RIMS1: variants seen among roughly 807,000 people sequenced by gnomAD.
RIMS1 encodes the protein regulating synaptic membrane exocytosis 1.
In RIMS1, 83 loss-of-function variants were observed where a neutral mutation model predicts 214.1. That is an observed-to-expected ratio of 0.39 (90% CI 0.32 to 0.47). The LOEUF is 0.47. Ranked by LOEUF, RIMS1 falls within the 20% of genes least tolerant of loss-of-function variation. RIMS1 has a pLI of 0.99. For synonymous variants in RIMS1, 793 were observed against 786.8 expected (o/e 1.01, Z -0.13); for missense variants, 2,050 against 2,161.8 (o/e 0.95, Z 1.03).
intron 6 of RIMS1, among the ~76,000 whole-genome samples, chr6:72,199,775 G>T (rs2153990559): frequency 6.6e-6 from 1 of 152,190 alleles, no homozygotes; most frequent in South Asian, 2.1e-4. Context: ...TGAGCATCTT[G>T]TCTTTAATCA....
chr6:72,043,684 CT>C (rs1822123529), intron 2 of RIMS1, among the ~76,000 whole-genome samples: 2 of 134,708 alleles, frequency 1.5e-5, no homozygotes, highest in African/African-American at 5.6e-5. Flanking sequence ...ATTAACTAGA[CT>C]TTTTTCCCCC....
chr6:72,108,446 T>C (rs545278171), intron 4 of RIMS1, among the ~76,000 whole-genome samples: 11 of 152,246 alleles, frequency 7.2e-5, no homozygotes, highest in African/African-American at 2.4e-4. Context: ...CTAAACTATT[T>C]TAAGAAACAA....
chr6:71,946,458 A>C (rs1787835083), intron 1 of RIMS1, among the ~76,000 whole-genome samples: 1 of 152,214 alleles, frequency 6.6e-6, no homozygotes, highest in Admixed American at 6.5e-5. Flanking sequence ...AACAGAATAA[A>C]GAGCATGGAA....
intron 26 of RIMS1, among the ~76,000 whole-genome samples, chr6:72,303,921 A>C (rs1305848419): frequency 6.6e-6 from 1 of 151,632 alleles, no homozygotes; most frequent in Non-Finnish European, 1.5e-5. Flanking sequence ...ATTTTGATCT[A>C]TAATCACAAA....
At chr6:72,148,758 AGTTTGG>A in intron 4 of RIMS1, 1 of 415,678 alleles carries the variant, frequency 2.4e-6, no homozygotes, top group Admixed American at 2.9e-5. Flanking sequence ...CTCAGGATTG[AGTTTGG>A]GACAAAAAGG....
At chr6:72,233,283 G>T (rs989073580) in intron 6 of RIMS1, among the ~76,000 whole-genome samples, 4 of 151,652 alleles carry the variant, frequency 2.6e-5, no homozygotes, top group Non-Finnish European at 5.9e-5. Context: ...ACTCATCACT[G>T]TGTCCCAAAA....
intron 2 of RIMS1, among the ~76,000 whole-genome samples, chr6:71,984,354 GAA>G (rs571595357): frequency 3.5e-5 from 5 of 142,302 alleles, no homozygotes; most frequent in African/African-American, 1.3e-4. Context: ...TGAAGGAAAA[GAA>G]AAAAAAAAAC....
intron 1 of RIMS1, among the ~76,000 whole-genome samples, chr6:71,908,421 C>T (rs1775902409): frequency 6.6e-6 from 1 of 152,120 alleles, no homozygotes; most frequent in African/African-American, 2.4e-5. Flanking sequence ...TGCCATCTGC[C>T]TCAGGGATAC....
At chr6:71,948,797 T>C (rs1407526719) in intron 1 of RIMS1, among the ~76,000 whole-genome samples, 1 of 152,196 alleles carries the variant, frequency 6.6e-6, no homozygotes, top group African/African-American at 2.4e-5. Flanking sequence ...CAGGCTGAAG[T>C]GACCTGCGAA....
intron 20 of RIMS1, 26 bp downstream of exon 20, chr6:72,265,078 C>T (rs748015846): frequency 7.3e-7 from 1 of 1,366,964 alleles, no homozygotes; most frequent in South Asian, 1.3e-5. Flanking sequence ...GTGAGTCCCA[C>T]CCAGTTATAA....
At chr6:72,198,304 A>G (rs55826021) in intron 6 of RIMS1, among the ~76,000 whole-genome samples, 27,729 of 149,374 alleles carry the variant, frequency 0.19, 3,072 homozygotes, top group Non-Finnish European at 0.25. Context: ...TTGCAGTAAC[A>G]TGGATGGAAC....
Position 72,233,806 on chromosome 6 carries a change from CG to C in RIMS1, c.1713del (p.Trp572GlyfsTer14). The C allele has an allele frequency of 6.3e-7, 1 of 1,581,438 alleles. No individual in the cohort carries two copies. Among genetic ancestry groups the C allele is most frequent in the Non-Finnish European group, 8.6e-7 (1 of 1,161,544 alleles). The part of the protein sequence containing the change: ...DLDYYWLDPA[T>X]WHSRETSPIS... ...GATTATTACTGGTTGGATCCTGCCACGTGGCACAGCCGGGAGACATCACCTA... is the reference window on the plus strand; with the variant it reads ...GATTATTACTGGTTGGATCCTGCCACTGGCACAGCCGGGAGACATCACCTA... On this transcript the variant is annotated frameshift_variant, in exon 7 of 34. Coordinates refer to ENST00000521978, the MANE Select transcript of RIMS1 (RefSeq NM_014989.7). LOFTEE classifies it high-confidence loss of function.
At chr6:71,984,800 TC>T (rs1436688038) in intron 2 of RIMS1, among the ~76,000 whole-genome samples, 7 of 151,984 alleles carry the variant, frequency 4.6e-5, no homozygotes, top group Admixed American at 1.3e-4. Context: ...TATCTATCTA[TC>T]TATCTATCTA....
intron 2 of RIMS1, among the ~76,000 whole-genome samples, chr6:72,009,219 T>G (rs1348787709): frequency 1.3e-5 from 2 of 152,184 alleles, no homozygotes; most frequent in Non-Finnish European, 2.9e-5. Context: ...TGCTCCTGAA[T>G]GACTACTGGA....
chr6:72,197,624 C>G (rs958659824), intron 6 of RIMS1, among the ~76,000 whole-genome samples: 1 of 152,014 alleles, frequency 6.6e-6, no homozygotes, highest in Non-Finnish European at 1.5e-5. Flanking sequence ...GGTGACTGGA[C>G]AAAATACAAG....
intron 3 of RIMS1, among the ~76,000 whole-genome samples, chr6:72,098,430 G>A (rs2032538925): frequency 6.6e-6 from 1 of 151,910 alleles, no homozygotes; most frequent in Non-Finnish European, 1.5e-5. Flanking sequence ...GAGTAGCTGA[G>A]ATTACAGGTG....
intron 2 of RIMS1, among the ~76,000 whole-genome samples, chr6:72,034,485 T>C (rs1417588441): frequency 6.6e-6 from 1 of 152,108 alleles, no homozygotes; most frequent in Non-Finnish European, 1.5e-5. Context: ...GGAAATGTGT[T>C]TTGCAGCTCT....
intron 1 of RIMS1, among the ~76,000 whole-genome samples, chr6:71,938,785 T>A (rs1358374420): frequency 6.6e-6 from 1 of 152,200 alleles, no homozygotes; most frequent in Non-Finnish European, 1.5e-5. Context: ...CTATTGTCTT[T>A]TGAAGGCATA....
At position 72,307,268 on chromosome 6, in the gene RIMS1, A is replaced by G; in HGVS notation, c.3861A>G (p.Val1287=). 1.3e-6 allele frequency: 2 copies of G among 1,597,342 alleles called. No homozygotes were observed. Among genetic ancestry groups the G allele is most frequent in the South Asian group, 2.3e-5 (2 of 87,544 alleles). The change falls in exon 27 of 34, where the codon GTA becomes GTG. Residue 1287 remains valine, a synonymous_variant. Coordinates refer to ENST00000521978, the MANE Select transcript of RIMS1 (RefSeq NM_014989.7). Reference sequence around the variant, plus strand: ...TATGTGTTTTTGCAGCAAGCTTAGTAGTGGAGGAGCGAACAAGACAGATGA... The same window carrying G: ...TATGTGTTTTTGCAGCAAGCTTAGTGGTGGAGGAGCGAACAAGACAGATGA... The part of the protein sequence containing the change: ...RSGSIEQASL[V]VEERTRQMKM...
Sources: allele counts gnomAD v4.1 joint callset (sites outside exome capture counted in the v4.1 genomes callset), GRCh38; gene constraint gnomAD v4.1.1; transcripts MANE v1.5; gene names NCBI Gene and HGNC (gene_info 2026-07-23, HGNC 2026-07-21).